NEGR1: variants seen among roughly 807,000 people sequenced by gnomAD.
The protein encoded by NEGR1 is neuronal growth regulator 1, also known as IgLON family member 4.
Under a neutral mutation model 40.9 loss-of-function variants are expected in NEGR1, and 10 were observed. That is an observed-to-expected ratio of 0.24 (90% CI 0.15 to 0.42). The LOEUF is 0.42. Ranked by LOEUF, NEGR1 falls within the 10% of genes least tolerant of loss-of-function variation. NEGR1 has a pLI of 1.00. For missense variants in NEGR1, 352 were observed against 438.9 expected (o/e 0.80, Z 1.77); for synonymous variants, 185 against 166.8 (o/e 1.11, Z -0.84).
intron 3 of NEGR1, among the ~76,000 whole-genome samples, chr1:71,766,653 C>T (rs1656143138): frequency 6.6e-6 from 1 of 152,208 alleles, no homozygotes; most frequent in Admixed American, 6.5e-5. Context: ...CGGCTTTCAA[C>T]ATGCTTCTAG....
intron 2 of NEGR1, among the ~76,000 whole-genome samples, chr1:71,834,458 C>A (rs1166262586): frequency 1.3e-5 from 2 of 151,672 alleles, no homozygotes; most frequent in East Asian, 3.9e-4. Context: ...CCACCCCCAC[C>A]CCCTGCCAAC....
chr1:71,484,500 A>G (rs1377177611), intron 6 of NEGR1, among the ~76,000 whole-genome samples: 1 of 151,808 alleles, frequency 6.6e-6, no homozygotes, highest in African/African-American at 2.4e-5. Flanking sequence ...AGCCAATATC[A>G]TAAATGAGAT....
chr1:71,864,348 C>T (rs753746886), intron 2 of NEGR1, among the ~76,000 whole-genome samples: 23 of 152,020 alleles, frequency 1.5e-4, no homozygotes, highest in Admixed American at 1.2e-3. Context: ...AGACAATGTC[C>T]CATGATATGA....
intron 6 of NEGR1, among the ~76,000 whole-genome samples, chr1:71,474,475 A>G (rs1173668104): frequency 1.3e-5 from 2 of 148,734 alleles, no homozygotes; most frequent in African/African-American, 5.0e-5. Flanking sequence ...GGAGTTCGAG[A>G]TGAGCCTGGC....
At chr1:71,635,150 C>T (rs528574863) in intron 4 of NEGR1, among the ~76,000 whole-genome samples, 7 of 151,748 alleles carry the variant, frequency 4.6e-5, no homozygotes, top group Admixed American at 3.3e-4. Flanking sequence ...ACCCAAAAGA[C>T]AAGTATATAT....
chr1:71,783,776 G>A (rs748975634), intron 2 of NEGR1, among the ~76,000 whole-genome samples: 3 of 151,924 alleles, frequency 2.0e-5, no homozygotes, highest in African/African-American at 4.8e-5. Flanking sequence ...TCTGTCCTTC[G>A]TGGGGTCACC....
chr1:72,124,315 C>A (rs1367627935), intron 1 of NEGR1, among the ~76,000 whole-genome samples: 2 of 151,890 alleles, frequency 1.3e-5, no homozygotes, highest in African/African-American at 4.8e-5. Flanking sequence ...CCTAGGTAGA[C>A]TTCTCCTACT....
chr1:71,710,370 C>T (rs968367357), intron 3 of NEGR1, among the ~76,000 whole-genome samples: 3 of 152,162 alleles, frequency 2.0e-5, no homozygotes, highest in Admixed American at 1.3e-4. Context: ...AATCCCACTG[C>T]TGGGCATACA....
chr1:71,861,315 A>G (rs1017847394), intron 2 of NEGR1, among the ~76,000 whole-genome samples: 2 of 152,024 alleles, frequency 1.3e-5, no homozygotes, highest in African/African-American at 4.8e-5. Context: ...AGGAAACACC[A>G]TACACTATTA....
At chr1:72,233,282 T>C (rs1654437352) in intron 1 of NEGR1, among the ~76,000 whole-genome samples, 1 of 152,138 alleles carries the variant, frequency 6.6e-6, no homozygotes, top group Non-Finnish European at 1.5e-5. Flanking sequence ...TTTATTAATT[T>C]TTTAAATTTT....
At chr1:72,280,596 T>C (rs1328865292) in intron 1 of NEGR1, among the ~76,000 whole-genome samples, 1 of 152,070 alleles carries the variant, frequency 6.6e-6, no homozygotes, top group Non-Finnish European at 1.5e-5. Context: ...AATGAAAAGT[T>C]TTTTTTTACT....
At chr1:71,448,248 C>G (rs1423857439) in intron 6 of NEGR1, among the ~76,000 whole-genome samples, 2 of 144,502 alleles carry the variant, frequency 1.4e-5, no homozygotes, top group Non-Finnish European at 3.0e-5. Context: ...AAAAAAAAGA[C>G]ACAGAGAGAG....
chr1:71,588,389 G>A (rs981430046), intron 6 of NEGR1, among the ~76,000 whole-genome samples: 1 of 152,046 alleles, frequency 6.6e-6, no homozygotes, highest in Non-Finnish European at 1.5e-5. Context: ...AATATACAGT[G>A]ATCTGCACAA....
At chr1:71,922,480 C>A (rs1038316509) in intron 2 of NEGR1, among the ~76,000 whole-genome samples, 2 of 152,128 alleles carry the variant, frequency 1.3e-5, no homozygotes, top group African/African-American at 2.4e-5. Context: ...AAAAAATATA[C>A]GATTATTTTC....
chr1:72,016,660 G>C (rs1167309808), intron 1 of NEGR1, among the ~76,000 whole-genome samples: 1 of 152,164 alleles, frequency 6.6e-6, no homozygotes, highest in Non-Finnish European at 1.5e-5. Context: ...AAGACTAAAA[G>C]ATGCACAGCA....
At chr1:71,947,966 T>A (rs1646036490) in intron 1 of NEGR1, among the ~76,000 whole-genome samples, 1 of 152,168 alleles carries the variant, frequency 6.6e-6, no homozygotes, top group Admixed American at 6.6e-5. Flanking sequence ...TCCCTTTCTA[T>A]CTTCCTAGAG....
At chr1:71,677,229 T>C (rs1318636182) in intron 4 of NEGR1, among the ~76,000 whole-genome samples, 1 of 152,126 alleles carries the variant, frequency 6.6e-6, no homozygotes, top group Non-Finnish European at 1.5e-5. Flanking sequence ...CCATGATTCA[T>C]TGATGGTGAC....
chr1:71,915,696 C>T (rs751313293), intron 2 of NEGR1, among the ~76,000 whole-genome samples: 14 of 152,138 alleles, frequency 9.2e-5, no homozygotes, highest in Non-Finnish European at 1.8e-4. Context: ...TACTCCAGCA[C>T]GTTCATCCTT....
At chr1:71,431,566 C>CCATTCATT (rs66558619) in intron 6 of NEGR1, among the ~76,000 whole-genome samples, 48,612 of 118,884 alleles carry the variant, frequency 0.41, 9,161 homozygotes, top group East Asian at 0.64. Flanking sequence ...ATCTGTTTAT[C>CCATTCATT]CATTCATTCA....
Sources: allele counts gnomAD v4.1 joint callset (sites outside exome capture counted in the v4.1 genomes callset), GRCh38; gene constraint gnomAD v4.1.1; transcripts MANE v1.5; gene names NCBI Gene and HGNC (gene_info 2026-07-23, HGNC 2026-07-21).